NCALD: variants seen among roughly 807,000 people sequenced by gnomAD.
The protein encoded by NCALD is neurocalcin delta.
NCALD carries 10 observed loss-of-function variants against 18.6 expected under a neutral mutation model. The ratio of observed to expected loss-of-function variants is 0.54; its 90% CI spans 0.33 to 0.91. NCALD has a LOEUF of 0.91. Among genes scored for constraint, NCALD ranks in the 40% least tolerant of loss-of-function variants. NCALD has a pLI of 0.03. For synonymous variants in NCALD, 88 were observed against 87.4 expected (o/e 1.01, Z -0.04); for missense variants, 184 against 247.6 (o/e 0.74, Z 1.72).
intron 1 of NCALD, among the ~76,000 whole-genome samples, chr8:102,053,028 C>A (rs1368873616): frequency 6.6e-6 from 1 of 152,338 alleles, no homozygotes; most frequent in Middle Eastern, 3.4e-3. Flanking sequence ...TAAAAGAAAT[C>A]TCAAAACATT....
At chr8:101,772,802 C>T (rs1314288311) in intron 1 of NCALD, among the ~76,000 whole-genome samples, 2 of 152,152 alleles carry the variant, frequency 1.3e-5, no homozygotes, top group Non-Finnish European at 2.9e-5. Flanking sequence ...TCTGGGACAA[C>T]ATTTGGTTCA....
chr8:101,718,021 C>T (rs1289606675), intron 2 of NCALD, among the ~76,000 whole-genome samples: 1 of 152,164 alleles, frequency 6.6e-6, no homozygotes, highest in Non-Finnish European at 1.5e-5. Context: ...TTTCTGTGAT[C>T]ATGAATATTA....
At chr8:101,887,854 C>T (rs486496) in intron 3 of NCALD, among the ~76,000 whole-genome samples, 59,890 of 151,914 alleles carry the variant, frequency 0.39, 15,243 homozygotes, top group African/African-American at 0.72. Flanking sequence ...AAAAGTAAGA[C>T]TGGTTTTGGG....
At chr8:101,711,800 T>C (rs912504951) in intron 2 of NCALD, among the ~76,000 whole-genome samples, 2 of 152,080 alleles carry the variant, frequency 1.3e-5, no homozygotes, top group African/African-American at 4.8e-5. Context: ...GTTTGATTGG[T>C]GTACCTGAAA....
intron 2 of NCALD, among the ~76,000 whole-genome samples, chr8:101,925,483 AC>A (rs539403898): frequency 9.7e-4 from 147 of 152,052 alleles, no homozygotes; most frequent in Admixed American, 2.1e-3. Flanking sequence ...TGTGAGCAAT[AC>A]CCCCTCACAT....
At chr8:101,893,364 C>T (rs1301118428) in intron 3 of NCALD, among the ~76,000 whole-genome samples, 8,596 of 150,294 alleles carry the variant, frequency 0.057, 760 homozygotes, top group African/African-American at 0.2. Flanking sequence ...CTGAAGGAAG[C>T]GCTAAACATG....
intron 1 of NCALD, among the ~76,000 whole-genome samples, chr8:101,784,839 A>G (rs571373958): frequency 1.8e-4 from 27 of 152,266 alleles, no homozygotes; most frequent in Non-Finnish European, 3.5e-4. Flanking sequence ...ATTCAATTGT[A>G]AGGCTATTTT....
At chr8:101,825,915 G>C (rs1813918072) in intron 4 of NCALD, among the ~76,000 whole-genome samples, 3 of 152,186 alleles carry the variant, frequency 2.0e-5, no homozygotes, top group African/African-American at 7.2e-5. Context: ...AGGCAGGCTG[G>C]ATTTCGCCCA....
chr8:101,723,686 G>A (rs574142974), intron 1 of NCALD, among the ~76,000 whole-genome samples: 61 of 152,094 alleles, frequency 4.0e-4, no homozygotes, highest in South Asian at 4.1e-4. Context: ...TAAGGTTTTC[G>A]CAAACAGTAA....
chr8:101,839,308 T>A (rs1458679826), intron 4 of NCALD, among the ~76,000 whole-genome samples: 1 of 151,958 alleles, frequency 6.6e-6, no homozygotes, highest in Non-Finnish European at 1.5e-5. Flanking sequence ...AAAAAAGCTG[T>A]ATGTCCTGTT....
intron 2 of NCALD, among the ~76,000 whole-genome samples, chr8:101,975,973 G>A (rs1036380450): frequency 4.6e-5 from 7 of 152,144 alleles, no homozygotes; most frequent in African/African-American, 1.7e-4. Flanking sequence ...CTCATAGAAG[G>A]CATTGGCAGG....
At chr8:101,865,279 T>C (rs1360785955) in intron 4 of NCALD, among the ~76,000 whole-genome samples, 2 of 152,184 alleles carry the variant, frequency 1.3e-5, no homozygotes, top group African/African-American at 4.8e-5. Context: ...GAATTCCCTT[T>C]CCTGTTGTGT....
chr8:101,691,454 G>T, intron 3 of NCALD: 1 of 985,226 alleles, frequency 1.0e-6, no homozygotes. Flanking sequence ...GGGCTTTAGG[G>T]CTTTATCCTG....
intron 1 of NCALD, among the ~76,000 whole-genome samples, chr8:101,764,603 G>A (rs997183258): frequency 1.3e-5 from 2 of 152,156 alleles, no homozygotes; most frequent in Non-Finnish European, 2.9e-5. Context: ...GCAGGAAAAT[G>A]GGATAGTTGT....
chr8:101,817,899 C>A (rs1370502679), intron 4 of NCALD, among the ~76,000 whole-genome samples: 5 of 152,190 alleles, frequency 3.3e-5, no homozygotes, highest in Non-Finnish European at 2.9e-5. Flanking sequence ...CATCTAAGAA[C>A]AGCAGTTTCT....
chr8:101,911,462 A>G (rs1817798410), intron 3 of NCALD, among the ~76,000 whole-genome samples: 1 of 149,008 alleles, frequency 6.7e-6, no homozygotes, highest in Non-Finnish European at 1.5e-5. Flanking sequence ...GATTCAAGTG[A>G]TCCTCCCACT....
rs138303524 is a variant in NCALD at position 102,100,696 on chromosome 8, C to T, written c.-210+23541G>A. Among the ~76,000 whole-genome samples the T allele has an allele frequency of 1.9e-3, 295 of 152,342 alleles. 3 individuals are homozygous for T. Among genetic ancestry groups the T allele is most frequent in the African/African-American group, 6.3e-3 (261 of 41,576 alleles). Reference sequence around the variant, plus strand: ...GTGGATAAACAAAACGAGGTATATACATACAGTGAGACATTATTCAACCTT... The same window carrying T: ...GTGGATAAACAAAACGAGGTATATATATACAGTGAGACATTATTCAACCTT... On this transcript the variant is annotated intron_variant, in intron 1 of 6. Transcript: ENST00000311028.
chr8:101,822,307 G>C (rs1258657255), intron 4 of NCALD, among the ~76,000 whole-genome samples: 1 of 152,138 alleles, frequency 6.6e-6, no homozygotes, highest in Non-Finnish European at 1.5e-5. Context: ...CATTCACAGA[G>C]CTGGCAAGGA....
chr8:101,997,700 G>C (rs1821288004), intron 2 of NCALD, among the ~76,000 whole-genome samples: 1 of 152,156 alleles, frequency 6.6e-6, no homozygotes, highest in African/African-American at 2.4e-5. Flanking sequence ...TCTATTTTCA[G>C]CTCTATTTCT....
Sources: allele counts gnomAD v4.1 joint callset (sites outside exome capture counted in the v4.1 genomes callset), GRCh38; gene constraint gnomAD v4.1.1; transcripts MANE v1.5; gene names NCBI Gene and HGNC (gene_info 2026-07-23, HGNC 2026-07-21).